Variants in PDCD11 observed in about 807,000 individuals in gnomAD.
PDCD11 encodes protein RRP5 homolog.
In PDCD11, 97 loss-of-function variants were observed where a neutral mutation model predicts 198.9. That is an observed-to-expected ratio of 0.49 (90% confidence interval 0.41 to 0.58). The LOEUF is 0.58. PDCD11 is among the 20% of genes least tolerant of loss of function. The pLI, the probability that PDCD11 is intolerant of heterozygous loss-of-function variation, is 0.00. For missense variants in PDCD11, 2,102 were observed against 2,312.7 expected (o/e 0.91, Z 1.87); for synonymous variants, 893 against 918.0 (o/e 0.97, Z 0.49).
chr10:103,423,670 C>T lies in PDCD11; in HGVS notation c.2763+12C>T, dbSNP rs1019583494. On this transcript the variant is annotated intron_variant, in intron 19 of 35. Transcript: ENST00000369797. ...GAAAAGCTAGAAAGGTAAGCTTGCT[C>T]CTGACTTCCATTTCCATGGTTTCAC... The T allele has an allele frequency of 5.2e-6, 8 of 1,540,828 alleles. No individual in the cohort carries two copies. The East Asian group carries it at 6.7e-5, about 13-fold the overall frequency.
Position 103,408,787 on chromosome 10 carries a change from G to C in PDCD11, c.871-912G>C, listed in dbSNP as rs556623371. Among the ~76,000 whole-genome samples, 3 of 152,230 alleles carry C rather than the reference G, an allele frequency of 2.0e-5. No individual in the cohort carries two copies. In the East Asian group the frequency reaches 5.8e-4, roughly 29 times the overall value. The stretch of plus-strand genomic sequence containing the variant: ...ACTCCTGAGCTCAGGTGGTCCACCT[G>C]CCTCAGCCTCCCAGAGTGCTAGGAT... On this transcript the variant is annotated intron_variant, in intron 7 of 35. Coordinates refer to ENST00000369797, the MANE Select transcript of PDCD11 (RefSeq NM_014976.2).
chr10:103,414,444 C>A, intron 11 of PDCD11, 114 bp downstream of exon 11: 1 of 703,830 alleles, frequency 1.4e-6, no homozygotes, highest in Non-Finnish European at 2.4e-6. Flanking sequence ...ATGTCATGTT[C>A]CTTGCTTCTG....
At chr10:103,411,051 A>C (rs977082056) in intron 8 of PDCD11, among the ~76,000 whole-genome samples, 10 of 151,032 alleles carry the variant, frequency 6.6e-5, no homozygotes, top group Non-Finnish European at 1.2e-4. Context: ...CCCCAGCCTG[A>C]GCGACAGAGT....
rs1254829007 is a variant in PDCD11 at position 103,415,068 on chromosome 10, C to T, written c.1435C>T (p.Leu479=). The part of the protein sequence containing the change: ...LVKVGEQMRG[L]VPPMHLADIL... ...GAAGGTGGGCGAGCAGATGAGGGGC[C>T]TGGTACCTCCCATGCACCTGGCTGA... The change falls in exon 12 of 36, where the codon CTG becomes TTG. Residue 479 remains leucine (L), a synonymous_variant. Transcript: ENST00000369797. 1.2e-6 allele frequency: 2 copies of T among 1,613,992 alleles called. No individual in the cohort carries two copies. Among genetic ancestry groups the T allele is most frequent in the Admixed American group, 1.7e-5 (1 of 60,010 alleles).
At chr10:103,415,868 GA>G (rs1450206353) in intron 12 of PDCD11, among the ~76,000 whole-genome samples, 1 of 152,198 alleles carries the variant, frequency 6.6e-6, no homozygotes, top group Non-Finnish European at 1.5e-5. Flanking sequence ...ATAGGGTTGT[GA>G]AGATCCAACA....
At chr10:103,403,628 G>A (rs1027102402) in intron 4 of PDCD11, among the ~76,000 whole-genome samples, 32 of 152,196 alleles carry the variant, frequency 2.1e-4, no homozygotes, top group African/African-American at 7.5e-4. Context: ...CAGGGCACAT[G>A]CAGCCTTGTA....
At chr10:103,439,066 G>C (rs1592140916) in intron 27 of PDCD11, among the ~76,000 whole-genome samples, 3 of 152,336 alleles carry the variant, frequency 2.0e-5, no homozygotes, top group African/African-American at 7.2e-5. Flanking sequence ...GCCGGGCGTG[G>C]TGGCTCATGC....
At chr10:103,413,708 T>G (rs1207660591) in intron 9 of PDCD11, among the ~76,000 whole-genome samples, 1 of 152,234 alleles carries the variant, frequency 6.6e-6, no homozygotes, top group African/African-American at 2.4e-5. Context: ...CAGATGGCTG[T>G]ATTCCAATAC....
At chr10:103,413,635 T>A (rs761017457) in intron 9 of PDCD11, among the ~76,000 whole-genome samples, 4 of 152,214 alleles carry the variant, frequency 2.6e-5, no homozygotes, top group Non-Finnish European at 5.9e-5. Flanking sequence ...CTGTGGTCTC[T>A]GTCCTAATTG....
chr10:103,423,804 T>C (rs2031565865), intron 19 of PDCD11, 146 bp downstream of exon 19: 2 of 636,240 alleles, frequency 3.1e-6, no homozygotes, highest in South Asian at 3.7e-5. Context: ...TTTAGACCTC[T>C]TGTCCTGGTG....
chr10:103,418,070 T>G, intron 14 of PDCD11, 138 bp downstream of exon 14: 1 of 874,454 alleles, frequency 1.1e-6, no homozygotes, highest in Non-Finnish European at 1.8e-6. Context: ...GAGGGGTTCA[T>G]ACGCATTCCT....
chr10:103,421,334 G>A lies in PDCD11; in HGVS notation c.2278-14G>A, dbSNP rs41287496. On this transcript the variant is annotated splice_polypyrimidine_tract_variant and intron_variant, in intron 16 of 35. Coordinates refer to ENST00000369797, the MANE Select transcript of PDCD11 (RefSeq NM_014976.2). ...CCTTTCCTCTTCTCATCTCCTGCCT[G>A]TTCTTCTGTTCAGATCATGAGTGAC... The A allele has an allele frequency of 9.9e-3, 15,750 of 1,591,446 alleles. 287 individuals carry two copies. Among genetic ancestry groups the A allele is most frequent in the South Asian group, 0.063 (5,550 of 88,186 alleles).
Position 103,415,177 on chromosome 10 carries a change from G to T in PDCD11, c.1518+26G>T, listed in dbSNP as rs770680694. The T allele has an allele frequency of 2.5e-6, 4 of 1,612,342 alleles. No homozygotes were observed. In the South Asian group the frequency reaches 4.4e-5, roughly 18 times the overall value. ...GTGAGCCTCCTGAAGGGTCTCTTGG[G>T]GTTTTGGCTAGATGGGAAGAAAGCA... On this transcript the variant is annotated intron_variant, in intron 12 of 35. Coordinates refer to ENST00000369797, the MANE Select transcript of PDCD11 (RefSeq NM_014976.2).
At chr10:103,402,690 C>T (rs570051562) in intron 3 of PDCD11, among the ~76,000 whole-genome samples, 1 of 152,254 alleles carries the variant, frequency 6.6e-6, no homozygotes, top group African/African-American at 2.4e-5. Context: ...CCACCCGCCT[C>T]AGCCTCCCAA....
intron 14 of PDCD11, 74 bp from the exon 15 acceptor site, chr10:103,418,366 G>T (rs1035711827): frequency 4.7e-6 from 6 of 1,270,262 alleles, no homozygotes; most frequent in African/African-American, 1.5e-5. Flanking sequence ...ATGCCTCCAA[G>T]CCCTGCCTAA....
At position 103,419,741 on chromosome 10, in the gene PDCD11, G is replaced by A. The variant is rs760469758; in HGVS notation, c.2277+33G>A. ...CAACTCCATGTACAAGGGCTTTGAGGAGAGATACAAGGTCACAGAACCTGA... is the reference window on the plus strand; with the variant it reads ...CAACTCCATGTACAAGGGCTTTGAGAAGAGATACAAGGTCACAGAACCTGA... On this transcript the variant is annotated intron_variant, in intron 16 of 35. Transcript: ENST00000369797. 3 of 1,605,134 alleles carry A rather than the reference G, an allele frequency of 1.9e-6. No individual in the cohort carries two copies. The South Asian group carries it at 3.3e-5, about 18-fold the overall frequency.
intron 22 of PDCD11, among the ~76,000 whole-genome samples, chr10:103,433,166 G>A (rs192361368): frequency 8.1e-4 from 124 of 152,238 alleles, no homozygotes; most frequent in African/African-American, 2.5e-3. Context: ...GTAGCTGCTC[G>A]ATAAATGATT....
chr10:103,415,054 A>G lies in PDCD11; in HGVS notation c.1421A>G (p.Glu474Gly), dbSNP rs1178091938. Reference sequence around the variant, plus strand: ...TATGGGATGCTGGTGAAGGTGGGCGAGCAGATGAGGGGCCTGGTACCTCCC... The same window carrying G: ...TATGGGATGCTGGTGAAGGTGGGCGGGCAGATGAGGGGCCTGGTACCTCCC... ...KSYGMLVKVG[E>G]QMRGLVPPMH... Residue 474 changes from glutamate to glycine, a missense_variant, in exon 12 of 36, where the codon GAG becomes GGG. Coordinates refer to ENST00000369797, the MANE Select transcript of PDCD11 (RefSeq NM_014976.2). The G allele has an allele frequency of 1.2e-6, 2 of 1,614,102 alleles. No homozygotes were observed. The highest frequency in any genetic ancestry group is 8.5e-7 in the Non-Finnish European group (1 of 1,180,012).
At chr10:103,435,694 G>C (rs908031101) in intron 25 of PDCD11, among the ~76,000 whole-genome samples, 3 of 152,188 alleles carry the variant, frequency 2.0e-5, no homozygotes, top group African/African-American at 4.8e-5. Context: ...TGTACTTTTA[G>C]TAGAGACTAG....
Sources: allele counts gnomAD v4.1 joint callset (sites outside exome capture counted in the v4.1 genomes callset), GRCh38; gene constraint gnomAD v4.1.1; transcripts MANE v1.5; gene names NCBI Gene and HGNC (gene_info 2026-07-23, HGNC 2026-07-21).